The following PAN3 variants were observed in gnomAD, a reference collection of about 807,000 sequenced individuals.
PAN3 encodes poly(A) specific ribonuclease subunit PAN3.
PAN3 carries 19 observed loss-of-function variants against 96.2 expected under a neutral mutation model. The observed-to-expected ratio is 0.20, with a 90% CI of 0.14 to 0.29. The LOEUF (loss-of-function observed/expected upper bound fraction) is 0.29, where lower values mean the gene tolerates loss of function less well. Ranked by LOEUF, PAN3 falls within the 10% of genes least tolerant of loss-of-function variation. PAN3 has a pLI of 1.00. For missense variants in PAN3, 882 were observed against 1,108.1 expected, an observed-to-expected ratio of 0.80 and a Z score of 2.90; for synonymous variants, 433 against 406.6, an observed-to-expected ratio of 1.06 and a Z score of -0.78.
chr13:28,155,514 G>A (rs915227284), intron 1 of PAN3, among the ~76,000 whole-genome samples: 4 of 152,084 alleles, frequency 2.6e-5, no homozygotes, highest in Admixed American at 6.6e-5. Context: ...GCATGACCCC[G>A]GGAGGTGGAG....
Position 28,154,807 on chromosome 13 carries a change from GTTT to G in PAN3, c.430+15733_430+15735del, listed in dbSNP as rs111375555. Among the ~76,000 whole-genome samples the G allele has an allele frequency of 3.1e-3, 428 of 137,678 alleles. 3 individuals carry two copies. The highest frequency in any genetic ancestry group is 0.01 in the African/African-American group (384 of 37,226). 90.3% of individuals were successfully genotyped at this position (137,678 alleles called of 152,430 possible). Reference sequence around the variant, plus strand: ...CACCACACTCGGCCTGACTTTGCAGGTTTTTTTTTTTTTTTCTTTTCTTTTTTT... The same window carrying G: ...CACCACACTCGGCCTGACTTTGCAGGTTTTTTTTTTTTCTTTTCTTTTTTT... On this transcript the variant is annotated intron_variant, in intron 1 of 18. Transcript: ENST00000380958.
At chr13:28,278,435 A>G (rs144212861) in intron 15 of PAN3, among the ~76,000 whole-genome samples, 220 of 152,344 alleles carry the variant, frequency 1.4e-3, no homozygotes, top group African/African-American at 5.1e-3. Flanking sequence ...TATAATCTCT[A>G]AATTTTCCTT....
intron 4 of PAN3, among the ~76,000 whole-genome samples, chr13:28,196,415 C>T (rs1046902850): frequency 6.6e-6 from 1 of 152,080 alleles, no homozygotes; most frequent in African/African-American, 2.4e-5. Flanking sequence ...AAAAGTCCTG[C>T]TAACCACTAT....
chr13:28,146,120 G>A (rs1870595133), intron 1 of PAN3, among the ~76,000 whole-genome samples: 1 of 151,878 alleles, frequency 6.6e-6, no homozygotes, highest in African/African-American at 2.4e-5. Flanking sequence ...TGGAATAGAA[G>A]TGTATAAAGT....
intron 1 of PAN3, among the ~76,000 whole-genome samples, chr13:28,172,513 T>A (rs1874440432): frequency 6.6e-6 from 1 of 152,116 alleles, no homozygotes; most frequent in African/African-American, 2.4e-5. Flanking sequence ...TTATGGAAAA[T>A]TTTAAACTTT....
chr13:28,169,571 T>C (rs1336110696), intron 1 of PAN3, among the ~76,000 whole-genome samples: 1 of 151,970 alleles, frequency 6.6e-6, no homozygotes, highest in Non-Finnish European at 1.5e-5. Context: ...AGGTTGGATA[T>C]GTGCCTGTTC....
intron 1 of PAN3, among the ~76,000 whole-genome samples, chr13:28,141,115 T>C (rs1869745859): frequency 6.6e-6 from 1 of 150,636 alleles, no homozygotes; most frequent in African/African-American, 2.5e-5. Context: ...GCAATTCTCC[T>C]GCCTCAGCCT....
chr13:28,145,112 G>A (rs111862474), intron 1 of PAN3, among the ~76,000 whole-genome samples: 1,617 of 152,250 alleles, frequency 0.011, 22 homozygotes, highest in African/African-American at 0.037. Context: ...ACCCGAAATT[G>A]TAAGATACAA....
chr13:28,292,158 C>CG (rs1480030205), intron 18 of PAN3, among the ~76,000 whole-genome samples: 10 of 151,940 alleles, frequency 6.6e-5, no homozygotes, highest in Non-Finnish European at 1.5e-4. Flanking sequence ...ATAATACAAA[C>CG]AAACGTTAAG....
chr13:28,273,405 C>G (rs937947236), intron 14 of PAN3, among the ~76,000 whole-genome samples: 2 of 151,936 alleles, frequency 1.3e-5, no homozygotes, highest in Admixed American at 1.3e-4. Flanking sequence ...AGCTGGAGAC[C>G]AGCCTGGCCA....
At chr13:28,247,175 C>T (rs1452830035) in intron 6 of PAN3, among the ~76,000 whole-genome samples, 1 of 149,542 alleles carries the variant, frequency 6.7e-6, no homozygotes, top group Non-Finnish European at 1.5e-5. Flanking sequence ...ATTAATAATG[C>T]TGGACTTTTT....
rs540079638 is a variant in PAN3 at position 28,249,532 on chromosome 13, T to G, written c.1001-6760T>G. 3.2e-3 allele frequency among the ~76,000 whole-genome samples: 484 copies of G among 152,146 alleles called. 3 individuals carry two copies. The highest frequency in any genetic ancestry group is 0.011 in the African/African-American group (456 of 41,502). On this transcript the variant is annotated intron_variant, in intron 6 of 18. Coordinates refer to ENST00000380958, the MANE Select transcript of PAN3 (RefSeq NM_175854.8). The stretch of plus-strand genomic sequence containing the variant: ...GGCGTGACCTCGGCTCACCACAGCC[T>G]CCACCTCCTGGGTTCAAGTGATTCT...
chr13:28,143,218 A>C (rs1870109147), intron 1 of PAN3, among the ~76,000 whole-genome samples: 1 of 152,034 alleles, frequency 6.6e-6, no homozygotes, highest in African/African-American at 2.4e-5. Flanking sequence ...CCTCCTGAGT[A>C]GCTGGGACTA....
At position 28,155,439 on chromosome 13, in the gene PAN3, A is replaced by C. The variant is rs993838217; in HGVS notation, c.430+16352A>C. On this transcript the variant is annotated intron_variant, in intron 1 of 18. Transcript: ENST00000380958. ...ACCCGTCTCTACCAAAAATACAAAA[A>C]TTTAGCCAGGTGTGGTTGCATGTGT... Among the ~76,000 whole-genome samples the C allele has an allele frequency of 3.9e-5, 6 of 151,960 alleles. No individual in the cohort carries two copies. In the South Asian group the frequency reaches 1.2e-3, roughly 32 times the overall value.
chr13:28,178,781 TA>T, intron 4 of PAN3, among the ~76,000 whole-genome samples: 1 of 152,286 alleles, frequency 6.6e-6, no homozygotes, highest in Non-Finnish European at 1.5e-5. Context: ...GATATGAACT[TA>T]AGATACTTTT....
intron 1 of PAN3, among the ~76,000 whole-genome samples, chr13:28,147,302 G>A (rs760542699): frequency 1.1e-4 from 16 of 152,126 alleles, no homozygotes; most frequent in Non-Finnish European, 2.1e-4. Context: ...TAAGTCTAAG[G>A]AATATCTAGA....
chr13:28,139,839 C>A (rs780443376), intron 1 of PAN3, among the ~76,000 whole-genome samples: 5 of 152,088 alleles, frequency 3.3e-5, no homozygotes, highest in Non-Finnish European at 5.9e-5. Context: ...GCAAACTCAG[C>A]ATTGTGTCTT....
rs866307086 is a variant in PAN3, at chr13:28,217,044, G to A, written c.853-3187G>A. Among the ~76,000 whole-genome samples, 16 of 151,600 alleles carry A rather than the reference G, an allele frequency of 1.1e-4. 1 individual carries two copies. Among genetic ancestry groups the A allele is most frequent in the Admixed American group, 2.0e-4 (3 of 15,252 alleles). ...CAGGAGAATCACTTGAACCCGGGGG[G>A]CAGAAGTTGCAGTGAGCCGAGATCA... is the stretch of plus-strand genomic sequence containing the variant. On this transcript the variant is annotated intron_variant, in intron 5 of 18. Transcript: ENST00000380958.
rs531374470 is a variant in PAN3 at position 28,257,505 on chromosome 13, G to A, written c.1248+966G>A. Reference sequence around the variant, plus strand: ...GCACAGCAGGAGGTGAGCAGTGGGCGAGTAAGTGAAGTTTCATCCGTATTT... The same window carrying A: ...GCACAGCAGGAGGTGAGCAGTGGGCAAGTAAGTGAAGTTTCATCCGTATTT... On this transcript the variant is annotated intron_variant, in intron 7 of 18. Coordinates refer to ENST00000380958, the MANE Select transcript of PAN3 (RefSeq NM_175854.8). 2.2e-4 allele frequency among the ~76,000 whole-genome samples: 34 copies of A among 151,170 alleles called. 1 individual carries two copies. The South Asian group carries it at 5.0e-3, about 22-fold the overall frequency.
Sources: gnomAD v4.1 joint callset for allele counts (sites outside exome capture counted in the v4.1 genomes callset) on GRCh38, gnomAD v4.1.1 for gene constraint, MANE v1.5 for transcripts, NCBI Gene and HGNC (gene_info 2026-07-23, HGNC 2026-07-21) for gene names.